SMURF2: variants seen among roughly 807,000 people sequenced by gnomAD.
SMURF2 encodes E3 ubiquitin-protein ligase SMURF2.
SMURF2 carries 48 observed loss-of-function variants against 109.6 expected under a neutral mutation model. The observed-to-expected ratio is 0.44, with a 90% CI of 0.35 to 0.56. SMURF2 has a LOEUF of 0.56. Among genes scored for constraint, SMURF2 ranks in the 20% least tolerant of loss-of-function variants. The pLI, the probability that SMURF2 is intolerant of heterozygous loss-of-function variation, is 0.01. For missense variants in SMURF2, 575 were observed against 909.0 expected, an observed-to-expected ratio of 0.63 and a Z score of 4.72; for synonymous variants, 288 against 317.1, an observed-to-expected ratio of 0.91 and a Z score of 0.97.
At chr17:64,551,942 C>T (rs1297545680) in intron 15 of SMURF2, among the ~76,000 whole-genome samples, 2 of 152,220 alleles carry the variant, frequency 1.3e-5, no homozygotes, top group East Asian at 3.9e-4. Flanking sequence ...GCAGAGCAAC[C>T]CTTCAAATCA....
chr17:64,650,628 C>G (rs529142070), intron 1 of SMURF2, among the ~76,000 whole-genome samples: 2 of 151,476 alleles, frequency 1.3e-5, no homozygotes, highest in African/African-American at 4.8e-5. Flanking sequence ...GTCAGGAGTT[C>G]GTGACCAGCC....
At chr17:64,565,086 A>G (rs1969281360) in intron 10 of SMURF2, among the ~76,000 whole-genome samples, 1 of 152,216 alleles carries the variant, frequency 6.6e-6, no homozygotes, top group Admixed American at 6.5e-5. Context: ...CTGATTTTAA[A>G]AAATCCAGCA....
At chr17:64,623,301 T>C (rs1970228033) in intron 1 of SMURF2, among the ~76,000 whole-genome samples, 3 of 152,164 alleles carry the variant, frequency 2.0e-5, no homozygotes, top group Non-Finnish European at 1.5e-5. Flanking sequence ...ATCAAGAACT[T>C]AACTTTGATC....
chr17:64,567,403 A>G (rs1280612183), intron 10 of SMURF2, among the ~76,000 whole-genome samples: 1 of 152,158 alleles, frequency 6.6e-6, no homozygotes, highest in African/African-American at 2.4e-5. Context: ...ACAAACAGAA[A>G]AGACAACAGA....
At position 64,606,595 on chromosome 17, in the gene SMURF2, T is replaced by C; in HGVS notation, c.91+7A>G. On this transcript the variant is annotated splice_region_variant and intron_variant, in intron 2 of 18. Transcript: ENST00000262435. ...CAATACACAAGATTTAAAGTTAATTTACTTACGGAAAAAATCCTTTTTCAC... is the reference window on the plus strand; with the variant it reads ...CAATACACAAGATTTAAAGTTAATTCACTTACGGAAAAAATCCTTTTTCAC... 1 of 1,536,770 alleles carries C rather than the reference T, an allele frequency of 6.5e-7. No homozygotes were observed. Among genetic ancestry groups the C allele is most frequent in the Non-Finnish European group, 8.8e-7 (1 of 1,132,252 alleles).
chr17:64,627,447 A>G lies in SMURF2; in HGVS notation c.53-20807T>C, dbSNP rs576174597. Among the ~76,000 whole-genome samples, 5 of 152,252 alleles carry G rather than the reference A, an allele frequency of 3.3e-5. No individual in the cohort carries two copies. The South Asian group carries it at 1.0e-3, about 32-fold the overall frequency. ...CATTAAGTTTTGAGACACTTTGCTA[A>G]ACATTGTTAGATAATTAGAACACCT... On this transcript the variant is annotated intron_variant, in intron 1 of 18. Transcript: ENST00000262435.
chr17:64,550,757 CAAAAAA>C (rs146307567), intron 16 of SMURF2, among the ~76,000 whole-genome samples: 6 of 69,702 alleles, frequency 8.6e-5, no homozygotes, highest in African/African-American at 2.3e-4. Context: ...ACTCTGTCTC[CAAAAAA>C]AAAAAAAAAA....
chr17:64,653,128 C>G (rs530269303), intron 1 of SMURF2, among the ~76,000 whole-genome samples: 1 of 151,880 alleles, frequency 6.6e-6, no homozygotes, highest in Admixed American at 6.6e-5. Flanking sequence ...GAGCTACAGT[C>G]CGGGAGAAAA....
intron 1 of SMURF2, among the ~76,000 whole-genome samples, chr17:64,660,018 T>C (rs1008891926): frequency 1.3e-5 from 2 of 152,192 alleles, no homozygotes; most frequent in African/African-American, 2.4e-5. Flanking sequence ...TGTAGTTCAA[T>C]ATTCCCCCTT....
intron 14 of SMURF2, among the ~76,000 whole-genome samples, chr17:64,555,292 A>G (rs1435078144): frequency 6.6e-6 from 1 of 152,216 alleles, no homozygotes; most frequent in Non-Finnish European, 1.5e-5. Flanking sequence ...GAAGAGCCCT[A>G]CTCGGTACTG....
intron 12 of SMURF2, among the ~76,000 whole-genome samples, chr17:64,559,865 A>G (rs1333954869): frequency 6.6e-6 from 1 of 150,554 alleles, no homozygotes; most frequent in African/African-American, 2.4e-5. Flanking sequence ...CCCCTGCCTC[A>G]GCCTCCCGAA....
intron 16 of SMURF2, among the ~76,000 whole-genome samples, chr17:64,550,895 C>A (rs2144588503): frequency 6.6e-6 from 1 of 152,032 alleles, no homozygotes; most frequent in African/African-American, 2.4e-5. Context: ...AGGCTCTTAC[C>A]CAAATAAATT....
At chr17:64,619,090 C>G (rs1555690366) in intron 1 of SMURF2, among the ~76,000 whole-genome samples, 1 of 152,046 alleles carries the variant, frequency 6.6e-6, no homozygotes. Flanking sequence ...AGACCAGTAC[C>G]TGGTACACAG....
intron 2 of SMURF2, among the ~76,000 whole-genome samples, chr17:64,602,089 A>G (rs1229404386): frequency 1.3e-5 from 2 of 152,010 alleles, no homozygotes; most frequent in African/African-American, 2.4e-5. Flanking sequence ...GGAAAACCTA[A>G]CATCGTATGT....
chr17:64,651,321 C>T (rs1219326635), intron 1 of SMURF2, among the ~76,000 whole-genome samples: 1 of 152,064 alleles, frequency 6.6e-6, no homozygotes, highest in Admixed American at 6.5e-5. Context: ...CGCCTGTAAT[C>T]CCACACTTTG....
intron 6 of SMURF2, among the ~76,000 whole-genome samples, chr17:64,583,942 T>C (rs1319537194): frequency 6.6e-6 from 1 of 151,852 alleles, no homozygotes; most frequent in Non-Finnish European, 1.5e-5. Context: ...GGATTACAGG[T>C]GTGAGCCACC....
intron 1 of SMURF2, among the ~76,000 whole-genome samples, chr17:64,631,046 A>G (rs928589375): frequency 4.6e-5 from 7 of 151,736 alleles, no homozygotes; most frequent in Admixed American, 3.3e-4. Flanking sequence ...CTCATGCTGT[A>G]ATCCCAGCAC....
chr17:64,545,870 G>T lies in SMURF2; in HGVS notation c.2225C>A (p.Thr742Lys). 6.2e-7 allele frequency: 1 copy of T among 1,608,310 alleles called. No homozygotes were observed. Among genetic ancestry groups the T allele is most frequent in the South Asian group, 1.1e-5 (1 of 90,956 alleles). The change falls in exon 19 of 19, where the codon ACA becomes AAA. Residue 742 changes from threonine to lysine, a missense_variant. This residue lies in a region of SMURF2 where 361 missense variants were observed against 612.1 expected (regional missense o/e 0.59). Coordinates refer to ENST00000262435, the MANE Select transcript of SMURF2 (RefSeq NM_022739.4). ...YEKLLTAIEETCGFAVE is the reference protein window; with the variant it reads ...YEKLLTAIEEKCGFAVE Reference sequence around the variant, plus strand: ...TTGTCATTCCACAGCAAATCCACATGTTTCTTCAATGGCTGTTAGCAGCTT... The same window carrying T: ...TTGTCATTCCACAGCAAATCCACATTTTTCTTCAATGGCTGTTAGCAGCTT...
At chr17:64,638,019 A>G (rs1970443369) in intron 1 of SMURF2, among the ~76,000 whole-genome samples, 1 of 132,710 alleles carries the variant, frequency 7.5e-6, no homozygotes, top group African/African-American at 2.8e-5. Flanking sequence ...CAATCCTTAC[A>G]CCAGTACCAC....
Sources: gnomAD v4.1 joint callset for allele counts (sites outside exome capture counted in the v4.1 genomes callset) on GRCh38, gnomAD v4.1.1 for gene constraint, gnomAD v4.1.1 regional missense constraint, MANE v1.5 for transcripts, NCBI Gene and HGNC (gene_info 2026-07-23, HGNC 2026-07-21) for gene names.